Variants in ELF1 observed in about 807,000 individuals in gnomAD.
ELF1 encodes the protein E74 like ETS transcription factor 1, also known as ETS-related transcription factor Elf-1.
A neutral mutation model predicts 59.9 loss-of-function variants in ELF1; 24 were observed. The ratio of observed to expected loss-of-function variants is 0.40; its 90% confidence interval spans 0.29 to 0.56. The LOEUF (loss-of-function observed/expected upper bound fraction) is 0.56, where lower values mean the gene tolerates loss of function less well. Ranked by LOEUF, ELF1 falls within the 20% of genes least tolerant of loss-of-function variation. The pLI, the probability that ELF1 is intolerant of heterozygous loss-of-function variation, is 0.44. For missense variants in ELF1, 627 were observed against 742.2 expected (o/e 0.84, Z 1.80); for synonymous variants, 248 against 266.2 (o/e 0.93, Z 0.67).
Position 40,959,011 on chromosome 13 carries a change from A to G in ELF1, c.78T>C (p.Gly26=), listed in dbSNP as rs1186009844. The G allele has an allele frequency of 6.2e-7, 1 of 1,610,580 alleles. No individual in the cohort carries two copies. Among genetic ancestry groups the G allele is most frequent in the Admixed American group, 1.7e-5 (1 of 59,276 alleles). The change falls in exon 3 of 9, where the codon GGT becomes GGC. Residue 26 remains glycine, a synonymous_variant. Coordinates refer to ENST00000239882, the MANE Select transcript of ELF1 (RefSeq NM_172373.4). ...TTACGGCAGGAAAAATAGCTGGATC[A>G]CCAAGCTGGGAAGGGTTAGGGAGAG... ...SNVMEDERQL[G]DPAIFPAVIV... is the part of the protein sequence containing the mutation.
chr13:40,977,219 G>A lies in ELF1; in HGVS notation c.72+4764C>T, dbSNP rs117162490. Among the ~76,000 whole-genome samples the A allele has an allele frequency of 9.5e-4, 145 of 151,970 alleles. 1 individual carries two copies. The East Asian group carries it at 0.028, about 29-fold the overall frequency. On this transcript the variant is annotated intron_variant, in intron 2 of 8. Transcript: ENST00000239882. ...AACTTGTATCCATAGACTTCTGCTT[G>A]CTTCTTCTTCTCATACATTCACCAT...
chr13:41,060,911 T>TGCTGCTGCC lies in ELF1; in HGVS notation c.-303_-302insGGCAGCAGC, dbSNP rs1555283617. The TGCTGCTGCC allele has an allele frequency of 1.0e-4, 27 of 264,494 alleles. 3 individuals are homozygous for TGCTGCTGCC. In the African/African-American group the frequency reaches 1.2e-3, roughly 11 times the overall value. The allele number at this position is 264,494 out of a possible 1,614,324, so 16.4% of individuals were successfully genotyped here. A position where few individuals can be genotyped will look rare whatever the true frequency, so the allele number is the denominator to read the frequency against. ...GCCGCCTCTGCGCTACTGAAGCTGC[T>TGCTGCTGCC]GCTGCCGCCGCCGCCGCCGCCGCCG... On this transcript the variant is annotated 5_prime_UTR_variant, in exon 1 of 2. Transcript: ENST00000405737.
At chr13:40,955,586 G>A (rs569226570) in intron 3 of ELF1, among the ~76,000 whole-genome samples, 1,727 of 40,990 alleles carry the variant, frequency 0.042, 127 homozygotes, top group African/African-American at 0.068. Context: ...CGCCCCGTCC[G>A]GGAGGTGAGG....
intron 1 of ELF1, among the ~76,000 whole-genome samples, chr13:40,983,633 A>G (rs920566865): frequency 6.6e-6 from 1 of 152,214 alleles, no homozygotes; most frequent in African/African-American, 2.4e-5. Flanking sequence ...AACACTGGGA[A>G]AGTATTTTTA....
chr13:41,055,206 C>A (rs2138439526), intron 1 of ELF1, among the ~76,000 whole-genome samples: 1 of 152,172 alleles, frequency 6.6e-6, no homozygotes, highest in African/African-American at 2.4e-5. Flanking sequence ...AAGTATGAGC[C>A]ATTGGAGGCA....
intron 7 of ELF1, 133 bp from the exon 8 acceptor site, chr13:40,941,503 G>A: frequency 2.5e-6 from 2 of 801,180 alleles, no homozygotes; most frequent in Non-Finnish European, 3.9e-6. Flanking sequence ...CTAAATAAAG[G>A]GCTGTTATTT....
At chr13:41,035,407 C>CTTT (rs373705779) in intron 1 of ELF1, among the ~76,000 whole-genome samples, 1 of 148,786 alleles carries the variant, frequency 6.7e-6, no homozygotes, top group African/African-American at 2.5e-5. Flanking sequence ...AATGATAAAC[C>CTTT]TTTTTTTTTT....
chr13:41,056,910 A>C (rs1339412189), intron 1 of ELF1, among the ~76,000 whole-genome samples: 4 of 152,152 alleles, frequency 2.6e-5, no homozygotes, highest in African/African-American at 9.7e-5. Context: ...GCAAGAAACA[A>C]AACTCCGAGA....
At chr13:41,044,131 T>C (rs916581187) in intron 1 of ELF1, among the ~76,000 whole-genome samples, 1 of 152,216 alleles carries the variant, frequency 6.6e-6, no homozygotes, top group Non-Finnish European at 1.5e-5. Flanking sequence ...GCTTGTGATT[T>C]TTGCACATTG....
intron 1 of ELF1, among the ~76,000 whole-genome samples, chr13:41,044,011 C>T (rs914667649): frequency 2.6e-5 from 4 of 152,176 alleles, no homozygotes; most frequent in Non-Finnish European, 4.4e-5. Flanking sequence ...AGAGGTCCTT[C>T]ACATCCCTTA....
At chr13:40,994,534 C>A (rs1260052330) in intron 1 of ELF1, among the ~76,000 whole-genome samples, 2 of 152,010 alleles carry the variant, frequency 1.3e-5, no homozygotes, top group Non-Finnish European at 2.9e-5. Flanking sequence ...ATCCCAGGTA[C>A]TTGGAGGCCG....
intron 1 of ELF1, among the ~76,000 whole-genome samples, chr13:41,012,557 T>C (rs374762311): frequency 2.7e-5 from 4 of 150,672 alleles, no homozygotes; most frequent in East Asian, 3.9e-4. Context: ...TTTTTTTTTT[T>C]TTTAAGAGAC....
chr13:40,996,773 A>C (rs1874147836), intron 1 of ELF1, among the ~76,000 whole-genome samples: 1 of 152,106 alleles, frequency 6.6e-6, no homozygotes, highest in South Asian at 2.1e-4. Flanking sequence ...GCTCTAAAAA[A>C]TAAAGTCTTT....
At chr13:41,021,573 G>C (rs1469504345), upstream of ELF1, among the ~76,000 whole-genome samples, 2 of 152,118 alleles carry the variant, frequency 1.3e-5, no homozygotes, top group Non-Finnish European at 2.9e-5. Flanking sequence ...TCCCAGCTCT[G>C]CTACCTATTA....
intron 1 of ELF1, among the ~76,000 whole-genome samples, chr13:41,018,081 A>G (rs555999553): frequency 6.6e-6 from 1 of 152,358 alleles, no homozygotes; most frequent in African/African-American, 2.4e-5. Flanking sequence ...TAGTAAGTGC[A>G]TAGCAAATTC....
At chr13:41,037,500 T>C (rs987056659) in intron 1 of ELF1, among the ~76,000 whole-genome samples, 1 of 152,150 alleles carries the variant, frequency 6.6e-6, no homozygotes, top group Non-Finnish European at 1.5e-5. Context: ...TTTTGAACTT[T>C]AGAAATTAGT....
chr13:40,981,158 G>C (rs2138269555), intron 2 of ELF1, among the ~76,000 whole-genome samples: 1 of 152,220 alleles, frequency 6.6e-6, no homozygotes, highest in African/African-American at 2.4e-5. Context: ...GCTTATTTCA[G>C]TGATAAATCA....
chr13:41,001,069 C>T lies in ELF1; in HGVS notation c.-229+18159G>A, dbSNP rs183250093. On this transcript the variant is annotated intron_variant, in intron 1 of 8. Coordinates refer to ENST00000239882, the MANE Select transcript of ELF1 (RefSeq NM_172373.4). ...TCGGCTCACTGCAACCTCCACCTCC[C>T]GGGTTCAAGCGATTCTCCTGCCTCA... Among the ~76,000 whole-genome samples, 11 of 137,586 alleles carry T rather than the reference C, an allele frequency of 8.0e-5. No individual in the cohort carries two copies. In the East Asian group the frequency reaches 1.5e-3, roughly 19 times the overall value. The allele number at this position is 137,586 out of a possible 152,430, so 90.3% of individuals were successfully genotyped here.
chr13:41,002,087 A>C (rs1874480968), intron 1 of ELF1, among the ~76,000 whole-genome samples: 1 of 152,042 alleles, frequency 6.6e-6, no homozygotes, highest in Non-Finnish European at 1.5e-5. Context: ...GTGAGTATAT[A>C]AGGTGAGGGG....
Sources: allele counts gnomAD v4.1 joint callset (sites outside exome capture counted in the v4.1 genomes callset), GRCh38; gene constraint gnomAD v4.1.1; transcripts MANE v1.5; gene names NCBI Gene and HGNC (gene_info 2026-07-23, HGNC 2026-07-21).